The following CEP83 variants were observed in gnomAD, a reference collection of about 807,000 sequenced individuals.
CEP83 encodes centrosomal protein of 83 kDa.
Under a neutral mutation model 101.9 loss-of-function variants are expected in CEP83, and 70 were observed. The observed-to-expected ratio is 0.69, with a 90% CI of 0.57 to 0.84. CEP83 has a LOEUF of 0.84. Among genes scored for constraint, CEP83 ranks in the 40% least tolerant of loss-of-function variants. The probability of loss-of-function intolerance (pLI) is 0.00; values close to 1 mark genes in which losing one functional copy is unlikely to be tolerated. For synonymous variants in CEP83, 264 were observed against 267.9 expected, an observed-to-expected ratio of 0.99 and a Z score of 0.14; for missense variants, 715 against 787.2, an observed-to-expected ratio of 0.91 and a Z score of 1.10.
At chr12:94,388,223 T>C (rs1334580424) in intron 6 of CEP83, among the ~76,000 whole-genome samples, 1 of 152,218 alleles carries the variant, frequency 6.6e-6, no homozygotes, top group Non-Finnish European at 1.5e-5. Context: ...ATGGTACATA[T>C]ACACCACGGA....
At chr12:94,381,868 G>T (rs1393610089) in intron 6 of CEP83, among the ~76,000 whole-genome samples, 4 of 151,958 alleles carry the variant, frequency 2.6e-5, no homozygotes, top group African/African-American at 9.7e-5. Flanking sequence ...TAATATAGCG[G>T]GATCCTGTAT....
intron 6 of CEP83, among the ~76,000 whole-genome samples, chr12:94,396,778 G>A (rs2062927837): frequency 6.6e-6 from 1 of 152,112 alleles, no homozygotes; most frequent in Non-Finnish European, 1.5e-5. Flanking sequence ...ATCTGTGTAA[G>A]TAAAAATGTG....
chr12:94,314,448 C>A (rs553450923), intron 14 of CEP83, among the ~76,000 whole-genome samples: 1 of 152,268 alleles, frequency 6.6e-6, no homozygotes, highest in East Asian at 1.9e-4. Flanking sequence ...TATTTTTGAA[C>A]CTCATATACA....
intron 11 of CEP83, among the ~76,000 whole-genome samples, chr12:94,336,863 C>T (rs894361965): frequency 1.3e-5 from 2 of 151,378 alleles, no homozygotes; most frequent in Non-Finnish European, 2.9e-5. Context: ...TGTGGTCTCA[C>T]TATATTGCCT....
At position 94,331,189 on chromosome 12, in the gene CEP83, G is replaced by T. The variant is rs2059182997; in HGVS notation, c.1707+511C>A. 1.4e-5 allele frequency among the ~76,000 whole-genome samples: 2 copies of T among 147,604 alleles called. 1 individual carries two copies. Among genetic ancestry groups the T allele is most frequent in the African/African-American group, 5.0e-5 (2 of 39,936 alleles). On this transcript the variant is annotated intron_variant, in intron 14 of 16. Coordinates refer to ENST00000397809, the MANE Select transcript of CEP83 (RefSeq NM_016122.3). ...GCCTATAATTCCAGCTACTCGAAAGGCTGAGGTATGAGAATCGCTTGAACC... is the reference window on the plus strand; with the variant it reads ...GCCTATAATTCCAGCTACTCGAAAGTCTGAGGTATGAGAATCGCTTGAACC...
chr12:94,388,825 G>C (rs1454961011), intron 6 of CEP83, among the ~76,000 whole-genome samples: 2 of 152,010 alleles, frequency 1.3e-5, no homozygotes, highest in African/African-American at 4.8e-5. Context: ...TAGTGATTTT[G>C]CTAAATTGAA....
intron 15 of CEP83, among the ~76,000 whole-genome samples, chr12:94,311,471 G>A (rs962615162): frequency 6.6e-6 from 1 of 152,100 alleles, no homozygotes; most frequent in Admixed American, 6.5e-5. Context: ...ATTCTGAAGT[G>A]GGGGGCAGTC....
chr12:94,306,730 T>TAATACAGAAGCAA (rs1969060589), downstream of CEP83: 1 of 152,148 alleles, frequency 6.6e-6, no homozygotes, highest in South Asian at 2.1e-4. Flanking sequence ...GAATTTGTCT[T>TAATACAGAAGCAA]AAAGGCAATT....
At chr12:94,287,875 A>G in the CEP83 span, among the ~76,000 whole-genome samples, 1 of 152,250 alleles carries the variant, frequency 6.6e-6, no homozygotes, top group Non-Finnish European at 1.5e-5. Context: ...GCTTTGACCA[A>G]CAGCAGCTCT....
chr12:94,327,157 A>G (rs555987569), intron 14 of CEP83, among the ~76,000 whole-genome samples: 1 of 152,366 alleles, frequency 6.6e-6, no homozygotes, highest in Non-Finnish European at 1.5e-5. Flanking sequence ...CAATCACAGG[A>G]TAGTCAAATC....
Position 94,385,730 on chromosome 12 carries a change from CCTTTA to C in CEP83, c.550-6693_550-6689del, listed in dbSNP as rs201215410. Among the ~76,000 whole-genome samples, 120 of 152,118 alleles carry C rather than the reference CCTTTA, an allele frequency of 7.9e-4. 1 individual carries two copies. The East Asian group carries it at 0.022, about 28-fold the overall frequency. On this transcript the variant is annotated intron_variant, in intron 6 of 16. Coordinates refer to ENST00000397809, the MANE Select transcript of CEP83 (RefSeq NM_016122.3). ...TTTTCAGAGCTGGATTCTTTGTTTTCCTTTACTTATTTCTGAATCTTCATTCTGGA... is the reference window on the plus strand; with the variant it reads ...TTTTCAGAGCTGGATTCTTTGTTTTCCTTATTTCTGAATCTTCATTCTGGA...
At chr12:94,419,211 T>G (rs567026865) in intron 2 of CEP83, among the ~76,000 whole-genome samples, 2 of 152,112 alleles carry the variant, frequency 1.3e-5, no homozygotes, top group South Asian at 4.1e-4. Context: ...CAACAAAATA[T>G]TTTTTATTTT....
intron 11 of CEP83, among the ~76,000 whole-genome samples, chr12:94,338,640 G>C (rs537090416): frequency 6.6e-6 from 1 of 152,300 alleles, no homozygotes; most frequent in South Asian, 2.1e-4. Flanking sequence ...AGAGGCTACA[G>C]TGGAAACTGT....
intron 4 of CEP83, among the ~76,000 whole-genome samples, chr12:94,409,919 C>T (rs1278409647): frequency 6.6e-6 from 1 of 152,098 alleles, no homozygotes; most frequent in Non-Finnish European, 1.5e-5. Context: ...ACCTCATCAG[C>T]TTAACTAATT....
intron 11 of CEP83, among the ~76,000 whole-genome samples, chr12:94,347,318 T>C (rs1055364333): frequency 6.6e-6 from 1 of 152,040 alleles, no homozygotes; most frequent in African/African-American, 2.4e-5. Context: ...TAACCACCAC[T>C]AGTCACAGAG....
intron 1 of CEP83, among the ~76,000 whole-genome samples, chr12:94,440,780 C>T (rs1278368284): frequency 6.6e-6 from 1 of 152,116 alleles, no homozygotes; most frequent in Non-Finnish European, 1.5e-5. Flanking sequence ...CAACTTCAAA[C>T]TATACCAAGG....
At chr12:94,421,861 G>A (rs967223846) in intron 2 of CEP83, among the ~76,000 whole-genome samples, 2 of 152,118 alleles carry the variant, frequency 1.3e-5, no homozygotes, top group Non-Finnish European at 2.9e-5. Flanking sequence ...CTCTTCAAAG[G>A]GACTTTCCTT....
At chr12:94,437,131 G>A (rs1000841182) in intron 1 of CEP83, among the ~76,000 whole-genome samples, 1 of 151,824 alleles carries the variant, frequency 6.6e-6, no homozygotes, top group Non-Finnish European at 1.5e-5. Flanking sequence ...ATCACTCAAG[G>A]TCAGGAGTTT....
chr12:94,393,212 T>C (rs996898490), intron 6 of CEP83, among the ~76,000 whole-genome samples: 1 of 152,212 alleles, frequency 6.6e-6, no homozygotes, highest in African/African-American at 2.4e-5. Flanking sequence ...TGAACATTGA[T>C]GCGAAAATCC....
Sources: gnomAD v4.1 joint callset for allele counts (sites outside exome capture counted in the v4.1 genomes callset) on GRCh38, gnomAD v4.1.1 for gene constraint, MANE v1.5 for transcripts, NCBI Gene and HGNC (gene_info 2026-07-23, HGNC 2026-07-21) for gene names.